The following SALL1 variants were observed in gnomAD, a reference collection of about 807,000 sequenced individuals.
The protein encoded by SALL1 is spalt like transcription factor 1, also known as sal-like protein 1.
In SALL1, 10 loss-of-function variants were observed where a neutral mutation model predicts 73.1. That is an observed-to-expected ratio of 0.14 (90% CI 0.08 to 0.23). The LOEUF (loss-of-function observed/expected upper bound fraction) is 0.23, where lower values mean the gene tolerates loss of function less well. SALL1 is among the 10% of genes least tolerant of loss of function. The probability of loss-of-function intolerance (pLI) is 1.00; values close to 1 mark genes in which losing one functional copy is unlikely to be tolerated. For synonymous variants in SALL1, 688 were observed against 689.8 expected (o/e 1.00, Z 0.04); for missense variants, 1,520 against 1,697.3 (o/e 0.90, Z 1.84).
In SALL1 at chr16:51,140,701, C is replaced by A; in HGVS notation, c.1521G>T (p.Gln507His). The A allele has an allele frequency of 1.2e-6, 2 of 1,614,112 alleles. No homozygotes were observed. Among genetic ancestry groups the A allele is most frequent in the Non-Finnish European group, 1.7e-6 (2 of 1,180,028 alleles). Residue 507 changes from glutamine (Q) to histidine (H), a missense_variant, in exon 2 of 3, where the codon CAG becomes CAT. By Grantham distance (24) the Gln-to-His change is conservative. Coordinates refer to ENST00000251020, the MANE Select transcript of SALL1 (RefSeq NM_002968.3). The surrounding 1 kb of genome is among the most constrained non-coding windows in gnomAD (Gnocchi z 5.7). Reference protein sequence around the residue: ...QRHKEKYPHIQMNPYPVPEHL... With the variant: ...QRHKEKYPHIHMNPYPVPEHL... ...GCTCAGGCACAGGATAGGGGTTCAT[C>A]TGGATATGAGGGTATTTCTCTTTGT...
upstream of SALL1, among the ~76,000 whole-genome samples, chr16:51,151,767 G>A (rs1386924411): frequency 6.6e-6 from 1 of 150,646 alleles, no homozygotes; most frequent in Non-Finnish European, 1.5e-5. Context: ...ATCCCGGGCT[G>A]GGCCGACCCA....
At position 51,137,357 on chromosome 16, in the gene SALL1, C is replaced by T. The variant is rs1409128899; in HGVS notation, c.3730G>A (p.Gly1244Arg). The T allele has an allele frequency of 3.1e-6, 5 of 1,613,972 alleles. No individual in the cohort carries two copies. The highest frequency in any genetic ancestry group is 2.2e-5 in the East Asian group (1 of 44,886). Residue 1244 changes from glycine (G) to arginine (R), a missense_variant, in exon 3 of 3, where the codon GGG becomes AGG. Transcript: ENST00000251020. ...ATCTCGTTGGCCTTCATCGCCAGCC[C>T]GTTGGAGAGCGCTGCTGCATACTGA... is the stretch of plus-strand genomic sequence containing the variant. ...WNQYAAALSN[G>R]LAMKANEISV...
chr16:51,150,508 G>A, intron 1 of SALL1: 3 of 985,894 alleles, frequency 3.0e-6, no homozygotes, highest in Non-Finnish European at 3.6e-6. Context: ...GCGGCCAGCA[G>A]CACTCTCCAC....
chr16:51,150,084 G>A (rs1367306846), intron 1 of SALL1, among the ~76,000 whole-genome samples: 1 of 152,206 alleles, frequency 6.6e-6, no homozygotes. Flanking sequence ...GGCCGGTACC[G>A]TGAAACACCT....
In SALL1 at chr16:51,137,144, C is replaced by G. The variant is rs369091373; in HGVS notation, c.3943G>C (p.Val1315Leu). 6 of 1,614,146 alleles carry G rather than the reference C, an allele frequency of 3.7e-6. No homozygotes were observed. In the Admixed American group the frequency reaches 5.0e-5, roughly 13 times the overall value. The change falls in exon 3 of 3, where the codon GTG becomes CTG. Residue 1315 changes from valine (V) to leucine (L), a missense_variant. Val to Leu is a conservative substitution (Grantham distance 32, BLOSUM62 1). Around this residue, in one of 7 missense-constraint regions of SALL1, gnomAD observed 318 missense variants for 357.1 expected, o/e 0.89. Coordinates refer to ENST00000251020, the MANE Select transcript of SALL1 (RefSeq NM_002968.3). The stretch of plus-strand genomic sequence containing the variant: ...GTGACGATCTCCTTGCTGTCCTCCA[C>G]GAAGCGGGTGAAGCGGAAGTTGGTT... Reference protein sequence around the residue: ...NGTNFRFTRFVEDSKEIVTS With the variant: ...NGTNFRFTRFLEDSKEIVTS
chr16:51,142,159 A>G lies in SALL1; in HGVS notation c.77-14T>C. ...TTTCTGTGTCTCCTACAAATGTCAAAAAGGTGCAGGATTAGAAAAGGGGCC... is the reference window on the plus strand; with the variant it reads ...TTTCTGTGTCTCCTACAAATGTCAAGAAGGTGCAGGATTAGAAAAGGGGCC... On this transcript the variant is annotated splice_polypyrimidine_tract_variant and intron_variant, in intron 1 of 2. Transcript: ENST00000251020. The G allele has an allele frequency of 4.4e-6, 7 of 1,601,384 alleles. No homozygotes were observed. Among genetic ancestry groups the G allele is most frequent in the Non-Finnish European group, 6.0e-6 (7 of 1,170,244 alleles).
At chr16:51,149,739 C>G (rs1962568620) in intron 1 of SALL1, 1 of 152,118 alleles carries the variant, frequency 6.6e-6, no homozygotes, top group Admixed American at 6.5e-5. Context: ...AGCGGGGGTC[C>G]CTTCGCTTCA....
At chr16:51,151,372 T>TCCCCGGCC (rs928511110), upstream of SALL1, 8 of 315,414 alleles carry the variant, frequency 2.5e-5, no homozygotes, top group Admixed American at 3.1e-4. Context: ...CCTCCCCGGC[T>TCCCCGGCC]CCCCGGCCCC....
intron 1 of SALL1, chr16:51,150,672 C>T: frequency 2.8e-6 from 2 of 712,790 alleles, no homozygotes; most frequent in Non-Finnish European, 3.4e-6. Flanking sequence ...CCCCCACGCT[C>T]GGAGTTCAGC....
chr16:51,136,564 A>C lies in SALL1; in HGVS notation c.*548T>G, dbSNP rs1406614596. The C allele has an allele frequency of 2.0e-5, 3 of 152,916 alleles. No individual in the cohort carries two copies. The highest frequency in any genetic ancestry group is 7.2e-5 in the African/African-American group (3 of 41,472). 9.5% of individuals were successfully genotyped at this position (152,916 alleles called of 1,614,324 possible). The stretch of plus-strand genomic sequence containing the variant: ...ATTTTAGAATAAAAATTAAAAAACC[A>C]AACCTTTCAAAGAACCACACTGTTC... On this transcript the variant is annotated 3_prime_UTR_variant, in exon 3 of 3. Coordinates refer to ENST00000251020, the MANE Select transcript of SALL1 (RefSeq NM_002968.3).
rs1415759787 is a variant in SALL1, at chr16:51,137,562, G to C, written c.3535-10C>G. 1.1e-5 allele frequency: 17 copies of C among 1,606,168 alleles called. No homozygotes were observed. Among genetic ancestry groups the C allele is most frequent in the Non-Finnish European group, 1.4e-5 (17 of 1,174,022 alleles). Reference sequence around the variant, plus strand: ...GAGTGCCCATGTGTACCTGAGATATGGGGAGGGCAGGCAGAGAGACAGAGA... The same window carrying C: ...GAGTGCCCATGTGTACCTGAGATATCGGGAGGGCAGGCAGAGAGACAGAGA... On this transcript the variant is annotated splice_polypyrimidine_tract_variant and intron_variant, in intron 2 of 2. Transcript: ENST00000251020.
At position 51,141,858 on chromosome 16, in the gene SALL1, C is replaced by G; in HGVS notation, c.364G>C (p.Glu122Gln). Residue 122 changes from glutamate (E) to glutamine (Q), a missense_variant, in exon 2 of 3, where the codon GAA becomes CAA. Glu to Gln is a conservative substitution (Grantham distance 29, BLOSUM62 2). This residue lies in a region of SALL1 where 540 missense variants were observed against 567.5 expected (regional missense o/e 0.95). Transcript: ENST00000251020. This position sits in a 1 kb window ranked among gnomAD's most constrained non-coding sequence, Gnocchi z 5.4. ...DLSEHNGLDREESMEVEAPVA... is the reference protein window; with the variant it reads ...DLSEHNGLDRQESMEVEAPVA... ...GGGGCCTCCACCTCCATGGACTCTT[C>G]CCTGTCAAGTCCGTTGTGTTCTGAA... 1 of 1,613,908 alleles carries G rather than the reference C, an allele frequency of 6.2e-7. No individual in the cohort carries two copies. The highest frequency in any genetic ancestry group is 8.5e-7 in the Non-Finnish European group (1 of 1,180,032).
At position 51,141,655 on chromosome 16, in the gene SALL1, G is replaced by C. The variant is rs79975375; in HGVS notation, c.567C>G (p.Ser189=). The C allele has an allele frequency of 3.4e-5, 55 of 1,613,564 alleles. No individual in the cohort carries two copies. The South Asian group carries it at 6.0e-4, about 18-fold the overall frequency. Residue 189 remains serine, a synonymous_variant, in exon 2 of 3, where the codon TCC becomes TCG. Transcript: ENST00000251020. This position sits in a 1 kb window ranked among gnomAD's most constrained non-coding sequence, Gnocchi z 5.4. ...CGATGATGACGTTGCTGTTGATTAC[G>C]GAGAAGTTGCCCAGTGTTGTCAGGT... ...LGDLTTLGNF[S]VINSNVIIEN...
rs2143449563 is a variant in SALL1, at chr16:51,141,501, T to C, written c.721A>G (p.Ile241Val). 6.2e-7 allele frequency: 1 copy of C among 1,614,056 alleles called. No individual in the cohort carries two copies. The highest frequency in any genetic ancestry group is 8.5e-7 in the Non-Finnish European group (1 of 1,179,932). Residue 241 changes from isoleucine (I) to valine (V), a missense_variant, in exon 2 of 3, where the codon ATC becomes GTC. Coordinates refer to ENST00000251020, the MANE Select transcript of SALL1 (RefSeq NM_002968.3). The surrounding 1 kb of genome is among the most constrained non-coding windows in gnomAD (Gnocchi z 5.4). ...TGTTCGATCAATTGCAGCTGGTGGA[T>C]CTGCTGCTGCTGCAGAGCTAGGAGT... ...EQLLALQQQQ[I>V]HQLQLIEQIR...
rs750220412 is a variant in SALL1 at position 51,140,503 on chromosome 16, T to C, written c.1719A>G (p.Glu573=). The C allele has an allele frequency of 2.5e-6, 4 of 1,613,976 alleles. No homozygotes were observed. Among genetic ancestry groups the C allele is most frequent in the African/African-American group, 2.7e-5 (2 of 75,012 alleles). The change falls in exon 2 of 3, where the codon GAA becomes GAG. Residue 573 remains glutamate (E), a synonymous_variant. Transcript: ENST00000251020. This position sits in a 1 kb window ranked among gnomAD's most constrained non-coding sequence, Gnocchi z 5.7. ...GGCTGATGGGGATGGGGGCTGGCTC[T>C]TCCGTCTTGATGAAGGGTATGAGGC... is the stretch of plus-strand genomic sequence containing the variant. ...LPSLIPFIKT[E]EPAPIPISHS...
rs143238826 is a variant in SALL1, at chr16:51,140,275, G to A, written c.1947C>T (p.Cys649=). 1.6e-5 allele frequency: 26 copies of A among 1,613,984 alleles called. No homozygotes were observed. Among genetic ancestry groups the A allele is most frequent in the Non-Finnish European group, 2.0e-5 (24 of 1,180,048 alleles). ...SSVLSSPAAD[C]GPAGSATTFT... Reference sequence around the variant, plus strand: ...AGGTGGTGGCACTGCCCGCGGGGCCGCAGTCTGCCGCTGGGGAGCTCAGGA... The same window carrying A: ...AGGTGGTGGCACTGCCCGCGGGGCCACAGTCTGCCGCTGGGGAGCTCAGGA... Residue 649 remains cysteine, a synonymous_variant, in exon 2 of 3, where the codon TGC becomes TGT. Transcript: ENST00000251020. This position sits in a 1 kb window ranked among gnomAD's most constrained non-coding sequence, Gnocchi z 5.7.
intron 1 of SALL1, chr16:51,143,296 T>C: frequency 2.6e-6 from 1 of 384,822 alleles, no homozygotes; most frequent in South Asian, 1.9e-5. Context: ...AACAGAAAAA[T>C]CTCTAACTCC....
At chr16:51,147,017 CTT>C (rs1409297580) in intron 1 of SALL1, among the ~76,000 whole-genome samples, 2 of 152,272 alleles carry the variant, frequency 1.3e-5, no homozygotes, top group East Asian at 3.9e-4. Flanking sequence ...ATTTCAAAAA[CTT>C]AACCAGTCTG....
At chr16:51,150,638 G>T in intron 1 of SALL1, 1 of 912,274 alleles carries the variant, frequency 1.1e-6, no homozygotes, top group Non-Finnish European at 1.3e-6. Flanking sequence ...GAGTGTGCGT[G>T]GGGGCAGGGG....
Sources: allele counts gnomAD v4.1 joint callset (sites outside exome capture counted in the v4.1 genomes callset), GRCh38; gene constraint gnomAD v4.1.1; regional missense constraint gnomAD v4.1.1; non-coding constraint Gnocchi (gnomAD v3.1); transcripts MANE v1.5; gene names NCBI Gene and HGNC (gene_info 2026-07-23, HGNC 2026-07-21).